The following PROM1 variants were observed in gnomAD, a reference collection of about 807,000 sequenced individuals.
PROM1 encodes prominin 1, also known as prominin-1.
In PROM1, 105 loss-of-function variants were observed where a neutral mutation model predicts 116.9. The observed-to-expected ratio is 0.90, with a 90% CI of 0.77 to 1.06. The LOEUF (loss-of-function observed/expected upper bound fraction) is 1.06, where lower values mean the gene tolerates loss of function less well. Among genes scored for constraint, PROM1 ranks in the 50% least tolerant of loss-of-function variants. PROM1 has a pLI of 0.00. For synonymous variants in PROM1, 393 were observed against 387.0 expected (o/e 1.02, Z -0.18); for missense variants, 1,122 against 1,045.2 (o/e 1.07, Z -1.01).
At chr4:15,979,328 G>A (rs775347545) in intron 26 of PROM1, 67 bp downstream of exon 26, 4 of 1,608,574 alleles carry the variant, frequency 2.5e-6, no homozygotes, top group Non-Finnish European at 3.4e-6. Flanking sequence ...AGAAAATTCA[G>A]TGCTGATCTA....
intron 2 of PROM1, among the ~76,000 whole-genome samples, chr4:16,073,952 G>T (rs1203759765): frequency 6.6e-6 from 1 of 152,156 alleles, no homozygotes; most frequent in African/African-American, 2.4e-5. Context: ...TATGGAAAGA[G>T]ATTATGGGAT....
chr4:16,029,645 A>G (rs1158762114), intron 5 of PROM1, among the ~76,000 whole-genome samples: 1 of 152,126 alleles, frequency 6.6e-6, no homozygotes, highest in Non-Finnish European at 1.5e-5. Flanking sequence ...CTTAACACCT[A>G]TGTCTTCCCT....
intron 26 of PROM1, among the ~76,000 whole-genome samples, chr4:15,978,947 T>C (rs572584019): frequency 2.0e-5 from 3 of 152,086 alleles, no homozygotes; most frequent in East Asian, 3.9e-4. Flanking sequence ...TAATTGAGGT[T>C]CTTTTTCTGG....
intron 17 of PROM1, among the ~76,000 whole-genome samples, chr4:15,991,777 A>G (rs1314140975): frequency 6.6e-6 from 1 of 151,866 alleles, no homozygotes. Context: ...TACTAAAAAT[A>G]CAAAAAAAGT....
intron 2 of PROM1, among the ~76,000 whole-genome samples, chr4:16,070,512 C>A (rs1372274403): frequency 6.6e-6 from 1 of 152,110 alleles, no homozygotes; most frequent in African/African-American, 2.4e-5. Context: ...ATGATTGAGT[C>A]CATTTTGATT....
chr4:15,980,373 G>C, intron 24 of PROM1, 49 bp downstream of exon 24: 1 of 1,227,700 alleles, frequency 8.1e-7, no homozygotes, highest in Non-Finnish European at 1.2e-6. Flanking sequence ...TTTGAAGACA[G>C]CACCACCTAG....
At chr4:16,048,515 C>G (rs1421319992) in intron 2 of PROM1, among the ~76,000 whole-genome samples, 1 of 152,094 alleles carries the variant, frequency 6.6e-6, no homozygotes, top group Non-Finnish European at 1.5e-5. Flanking sequence ...TCAGACGTGT[C>G]GAATGTATCC....
At chr4:16,081,069 A>T (rs1309969406) in intron 1 of PROM1, among the ~76,000 whole-genome samples, 1 of 150,084 alleles carries the variant, frequency 6.7e-6, no homozygotes, top group Non-Finnish European at 1.5e-5. Context: ...ATGTATATAT[A>T]TTTTTTTATT....
chr4:16,013,033 G>A (rs1727319646), intron 11 of PROM1, among the ~76,000 whole-genome samples: 1 of 152,138 alleles, frequency 6.6e-6, no homozygotes, highest in Non-Finnish European at 1.5e-5. Context: ...TCACACTGTG[G>A]CTGTCAACCA....
chr4:16,015,790 T>G (rs1259095934), intron 10 of PROM1, among the ~76,000 whole-genome samples: 1 of 151,846 alleles, frequency 6.6e-6, no homozygotes, highest in Non-Finnish European at 1.5e-5. Context: ...CATGTGCAAA[T>G]GCGTGAAGGT....
intron 13 of PROM1, among the ~76,000 whole-genome samples, chr4:16,003,953 G>A (rs944225354): frequency 6.6e-6 from 1 of 152,134 alleles, no homozygotes; most frequent in African/African-American, 2.4e-5. Context: ...ATTGGATGGT[G>A]TCACCATTTT....
chr4:16,014,253 T>C (rs1162512195), intron 10 of PROM1, among the ~76,000 whole-genome samples: 4 of 152,190 alleles, frequency 2.6e-5, no homozygotes, highest in African/African-American at 9.6e-5. Context: ...ACATCAGATG[T>C]CACAAAATGA....
At chr4:16,025,420 T>C (rs1285425294) in intron 5 of PROM1, 108 bp from the exon 6 acceptor site, 2 of 1,373,006 alleles carry the variant, frequency 1.5e-6, no homozygotes, top group Admixed American at 2.0e-5. Context: ...GCAGAAGGAC[T>C]GGCCTTTCCT....
In PROM1 at chr4:15,968,298, T is replaced by G. The variant is rs1018361531; in HGVS notation, c.*1095A>C. The G allele has an allele frequency of 5.9e-5, 9 of 152,192 alleles. No homozygotes were observed. The highest frequency in any genetic ancestry group is 2.2e-4 in the African/African-American group (9 of 41,448). 9.4% of individuals were successfully genotyped at this position (152,192 alleles called of 1,614,324 possible). A position where few individuals can be genotyped will look rare whatever the true frequency, so the allele number is the denominator to read the frequency against. ...TGCACATGAAAAGACCTGGGGGGAATGCCTACATCTGGAATTTCATTACAT... is the reference window on the plus strand; with the variant it reads ...TGCACATGAAAAGACCTGGGGGGAAGGCCTACATCTGGAATTTCATTACAT... On this transcript the variant is annotated 3_prime_UTR_variant, in exon 28 of 28. Coordinates refer to ENST00000447510, the MANE Select transcript of PROM1 (RefSeq NM_006017.3).
chr4:16,083,063 G>A (rs960422711), intron 1 of PROM1, among the ~76,000 whole-genome samples: 1 of 152,042 alleles, frequency 6.6e-6, no homozygotes, highest in Admixed American at 6.5e-5. Flanking sequence ...CGGACGCGGG[G>A]AGATGGCCTC....
chr4:15,974,333 T>A (rs1298384524), intron 26 of PROM1, among the ~76,000 whole-genome samples: 1 of 152,146 alleles, frequency 6.6e-6, no homozygotes, highest in Non-Finnish European at 1.5e-5. Flanking sequence ...TAGGTTTATA[T>A]GAAAGTCTAT....
chr4:15,990,463 C>T (rs1243947722), intron 18 of PROM1, among the ~76,000 whole-genome samples: 1 of 152,170 alleles, frequency 6.6e-6, no homozygotes, highest in Non-Finnish European at 1.5e-5. Flanking sequence ...CTATTGGTAA[C>T]TCAAAGCAAC....
intron 8 of PROM1, among the ~76,000 whole-genome samples, chr4:16,022,663 TCTATCAAGTAC>T (rs1730201068): frequency 6.6e-6 from 1 of 152,208 alleles, no homozygotes; most frequent in Non-Finnish European, 1.5e-5. Flanking sequence ...AATTGTCCTC[TCTATCAAGTAC>T]CTAGCAAGGA....
chr4:16,025,836 CT>C (rs2149345819), intron 5 of PROM1, among the ~76,000 whole-genome samples: 1 of 152,320 alleles, frequency 6.6e-6, no homozygotes, highest in East Asian at 1.9e-4. Flanking sequence ...CTCTAATTGT[CT>C]GTTAGTGCCT....
Sources: gnomAD v4.1 joint callset for allele counts (sites outside exome capture counted in the v4.1 genomes callset) on GRCh38, gnomAD v4.1.1 for gene constraint, MANE v1.5 for transcripts, NCBI Gene and HGNC (gene_info 2026-07-23, HGNC 2026-07-21) for gene names.